SMG5: variants seen among roughly 807,000 people sequenced by gnomAD.
SMG5 encodes SMG5 nonsense mediated mRNA decay factor, also known as nonsense-mediated mRNA decay factor SMG5.
A neutral mutation model predicts 122.9 loss-of-function variants in SMG5; 53 were observed. That is an observed-to-expected ratio of 0.43 (90% CI 0.35 to 0.54). SMG5 has a LOEUF of 0.54. SMG5 is among the 20% of genes least tolerant of loss of function. SMG5 has a pLI of 0.01. For synonymous variants in SMG5, 477 were observed against 490.2 expected, an observed-to-expected ratio of 0.97 and a Z score of 0.35; for missense variants, 1,153 against 1,285.6, an observed-to-expected ratio of 0.90 and a Z score of 1.58.
intron 1 of SMG5, among the ~76,000 whole-genome samples, chr1:156,282,360 G>A (rs527468785): frequency 3.3e-5 from 5 of 151,752 alleles, no homozygotes; most frequent in Non-Finnish European, 5.9e-5. Flanking sequence ...CTTAGTGCCC[G>A]CCCCAAGAAA....
chr1:156,285,088 T>C (rs1572606367), upstream of SMG5: 3 of 1,099,062 alleles, frequency 2.7e-6, no homozygotes, highest in East Asian at 5.5e-5. Context: ...CCAAAACCCA[T>C]GAAGCCAGTT....
chr1:156,278,892 G>T (rs1434094283), intron 2 of SMG5, 44 bp downstream of exon 2: 2 of 1,506,634 alleles, frequency 1.3e-6, no homozygotes, highest in Admixed American at 3.3e-5. Context: ...GTAGAGATAG[G>T]CAGGGAAACA....
chr1:156,264,291 AAAG>A (rs1243363789), intron 12 of SMG5, among the ~76,000 whole-genome samples: 17 of 151,706 alleles, frequency 1.1e-4, no homozygotes, highest in African/African-American at 3.9e-4. Context: ...AAAAAAAAAA[AAAG>A]AGTTACTTTT....
rs1572571620 is a variant in SMG5 at position 156,253,098 on chromosome 1, T to C, written c.2503-20A>G. 2 of 1,572,694 alleles carry C rather than the reference T, an allele frequency of 1.3e-6. No homozygotes were observed. Among genetic ancestry groups the C allele is most frequent in the African/African-American group, 2.7e-5 (2 of 74,206 alleles). On this transcript the variant is annotated intron_variant, in intron 17 of 21. Coordinates refer to ENST00000361813, the MANE Select transcript of SMG5 (RefSeq NM_015327.3). The stretch of plus-strand genomic sequence containing the variant: ...TTCGAGCTGGTGAGAGAGGGCAAGG[T>C]GGGTACAGCTGTGGGGGACCCCTGC...
Position 156,250,482 on chromosome 1 carries a change from G to A in SMG5, c.*105C>T, listed in dbSNP as rs1661297643. On this transcript the variant is annotated 3_prime_UTR_variant, in exon 22 of 22. Coordinates refer to ENST00000361813, the MANE Select transcript of SMG5 (RefSeq NM_015327.3). Reference sequence around the variant, plus strand: ...AGCTAGGCCTCCCTCCTGTGTGCGTGCATGAGTCTGCGTGTGGTGGGGTGA... The same window carrying A: ...AGCTAGGCCTCCCTCCTGTGTGCGTACATGAGTCTGCGTGTGGTGGGGTGA... The A allele has an allele frequency of 3.0e-6, 3 of 988,326 alleles. No homozygotes were observed. The highest frequency in any genetic ancestry group is 2.4e-5 in the East Asian group (1 of 41,808). The allele number at this position is 988,326 out of a possible 1,614,324, so 61.2% of individuals were successfully genotyped here.
At chr1:156,291,329 C>G in the SMG5 span, 1 of 1,551,544 alleles carries the variant, frequency 6.4e-7, no homozygotes, top group Non-Finnish European at 8.9e-7. Context: ...AGCCTATTGC[C>G]AATCAGCTGA....
the SMG5 span, chr1:156,291,356 G>T: frequency 6.2e-7 from 1 of 1,608,388 alleles, no homozygotes. Flanking sequence ...TCCCTCGAGA[G>T]TAGCCTGACC....
At chr1:156,273,563 C>T in intron 5 of SMG5, 113 bp from the exon 6 acceptor site, 1 of 996,032 alleles carries the variant, frequency 1.0e-6, no homozygotes, top group East Asian at 2.6e-5. Flanking sequence ...AAGGAAGGTA[C>T]CTGAGCTAGG....
chr1:156,272,511 G>A (rs1198506648), intron 6 of SMG5, 113 bp from the exon 7 acceptor site: 1 of 779,820 alleles, frequency 1.3e-6, no homozygotes, highest in Non-Finnish European at 2.2e-6. Flanking sequence ...TGGGTCTGCA[G>A]GCAACACTGG....
rs1327871542 is a variant in SMG5 at position 156,249,713 on chromosome 1, TTAGA to T, written c.*870_*873del. 1 of 469,032 alleles carries T rather than the reference TTAGA, an allele frequency of 2.1e-6. No homozygotes were observed. The highest frequency in any genetic ancestry group is 4.4e-6 in the Non-Finnish European group (1 of 226,874). 29.1% of individuals were successfully genotyped at this position (469,032 alleles called of 1,614,324 possible). A position where few individuals can be genotyped will look rare whatever the true frequency, so the allele number is the denominator to read the frequency against. On this transcript the variant is annotated 3_prime_UTR_variant, in exon 22 of 22. Transcript: ENST00000361813. ...CCGGCCCCTTGTCTTCAGCCCTCCC[TTAGA>T]TAGGAAGGGGGGTGGTGGCCTCAGA... is the stretch of plus-strand genomic sequence containing the variant.
intron 5 of SMG5, among the ~76,000 whole-genome samples, chr1:156,273,718 CTT>C (rs748042052): frequency 0.23 from 26,608 of 115,816 alleles, 2,997 homozygotes; most frequent in Non-Finnish European, 0.29. Flanking sequence ...GTTTTGTTTT[CTT>C]TTTTTTTTTT....
intron 20 of SMG5, 192 bp from the exon 21 acceptor site, chr1:156,251,188 A>C: frequency 1.1e-6 from 1 of 913,250 alleles, no homozygotes; most frequent in Non-Finnish European, 1.7e-6. Flanking sequence ...AAGCCTGAGC[A>C]TCGCAAGGCC....
Position 156,249,933 on chromosome 1 carries a change from G to A in SMG5, c.*654C>T, listed in dbSNP as rs1293110438. On this transcript the variant is annotated 3_prime_UTR_variant, in exon 22 of 22. Coordinates refer to ENST00000361813, the MANE Select transcript of SMG5 (RefSeq NM_015327.3). ...ACAGAGGGAGACACAAAGCAGAAGT[G>A]GGGCAATGGGATGTGCAGCCCCTGC... The A allele has an allele frequency of 2.1e-6, 1 of 471,058 alleles. No homozygotes were observed. The highest frequency in any genetic ancestry group is 2.0e-5 in the African/African-American group (1 of 50,078). 29.2% of individuals were successfully genotyped at this position (471,058 alleles called of 1,614,324 possible).
At chr1:156,269,307 G>A (rs1013112965) in intron 7 of SMG5, among the ~76,000 whole-genome samples, 2 of 152,024 alleles carry the variant, frequency 1.3e-5, no homozygotes, top group Non-Finnish European at 2.9e-5. Flanking sequence ...TAGAGATGGG[G>A]TCTCACTATG....
upstream of SMG5, among the ~76,000 whole-genome samples, chr1:156,285,027 T>G (rs772818726): frequency 6.6e-6 from 1 of 152,180 alleles, no homozygotes; most frequent in Non-Finnish European, 1.5e-5. Flanking sequence ...CTCCTCCCTC[T>G]GTTTCAGTGT....
intron 18 of SMG5, 108 bp from the exon 19 acceptor site, chr1:156,252,612 A>T: frequency 8.4e-7 from 1 of 1,192,564 alleles, no homozygotes; most frequent in South Asian, 1.3e-5. Flanking sequence ...CAGGCAGAGA[A>T]GGGACCCTGG....
At chr1:156,271,566 GTTTTTT>G (rs755111375) in intron 7 of SMG5, among the ~76,000 whole-genome samples, 3 of 82,286 alleles carry the variant, frequency 3.6e-5, no homozygotes, top group African/African-American at 9.4e-5. Flanking sequence ...CCCTGAAGAG[GTTTTTT>G]TTTTTTTTTT....
At chr1:156,275,336 C>G (rs1662635603) in intron 4 of SMG5, among the ~76,000 whole-genome samples, 2 of 152,182 alleles carry the variant, frequency 1.3e-5, no homozygotes, top group East Asian at 3.8e-4. Flanking sequence ...TATGCCTGAG[C>G]ACTCACCTCT....
chr1:156,270,897 C>T (rs1293330882), intron 7 of SMG5, among the ~76,000 whole-genome samples: 1 of 151,870 alleles, frequency 6.6e-6, no homozygotes, highest in Non-Finnish European at 1.5e-5. Flanking sequence ...ATCCTAGCTA[C>T]TCGAGAGGCT....
Sources: gnomAD v4.1 joint callset for allele counts (sites outside exome capture counted in the v4.1 genomes callset) on GRCh38, gnomAD v4.1.1 for gene constraint, MANE v1.5 for transcripts, NCBI Gene and HGNC (gene_info 2026-07-23, HGNC 2026-07-21) for gene names.